Variants in NINJ2 observed in about 807,000 individuals in gnomAD.
NINJ2 encodes the protein ninjurin-2.
NINJ2 carries 12 observed loss-of-function variants against 11.7 expected under a neutral mutation model. That is an observed-to-expected ratio of 1.02 (90% CI 0.66 to 1.66). NINJ2 has a LOEUF of 1.66. NINJ2 is among the 40% of genes most tolerant of loss of function. The pLI is 0.00. For synonymous variants in NINJ2, 93 were observed against 76.8 expected (o/e 1.21, Z -1.10); for missense variants, 187 against 181.8 (o/e 1.03, Z -0.16).
At chr12:602,051 A>T (rs980430292) in intron 1 of NINJ2, among the ~76,000 whole-genome samples, 1 of 152,156 alleles carries the variant, frequency 6.6e-6, no homozygotes. Context: ...CAGCTGTGTC[A>T]CTTCAGACGC....
chr12:662,078 C>T lies in NINJ2; in HGVS notation c.33+1250G>A, dbSNP rs369194429. ...TGATAAAGACAAATTGGGGAGGAGGCATCCTGTGAAGAGGTTGGTCAGGGG... is the reference window on the plus strand; with the variant it reads ...TGATAAAGACAAATTGGGGAGGAGGTATCCTGTGAAGAGGTTGGTCAGGGG... On this transcript the variant is annotated intron_variant, in intron 1 of 3. Transcript: ENST00000305108. Among the ~76,000 whole-genome samples, 213 of 152,320 alleles carry T rather than the reference C, an allele frequency of 1.4e-3. 8 individuals carry two copies. In the South Asian group the frequency reaches 0.042, roughly 30 times the overall value.
chr12:654,988 T>C (rs1198344534), intron 1 of NINJ2, among the ~76,000 whole-genome samples: 1 of 152,140 alleles, frequency 6.6e-6, no homozygotes, highest in African/African-American at 2.4e-5. Context: ...CATGATCATA[T>C]TAATAGATGT....
At chr12:623,980 G>A (rs1484598858) in intron 1 of NINJ2, among the ~76,000 whole-genome samples, 1 of 152,166 alleles carries the variant, frequency 6.6e-6, no homozygotes, top group Non-Finnish European at 1.5e-5. Flanking sequence ...AGGCTGCAGT[G>A]AGCTGTGATC....
At chr12:588,670 G>A (rs1291268324) in intron 1 of NINJ2, among the ~76,000 whole-genome samples, 1 of 152,102 alleles carries the variant, frequency 6.6e-6, no homozygotes, top group Non-Finnish European at 1.5e-5. Flanking sequence ...ACAAAATCAG[G>A]AGACAAAGAG....
intron 1 of NINJ2, chr12:590,568 T>G (rs1947704447): frequency 6.6e-6 from 1 of 152,310 alleles, no homozygotes; most frequent in African/African-American, 2.4e-5. Flanking sequence ...TGCGGGAACC[T>G]GCACAGATGC....
rs577585379 is a variant in NINJ2 at position 660,360 on chromosome 12, C to CTT, written c.33+2966_33+2967dup. 4.0e-3 allele frequency among the ~76,000 whole-genome samples: 483 copies of CTT among 121,462 alleles called. 23 individuals carry two copies. In the East Asian group the frequency reaches 0.11, roughly 27 times the overall value. The allele number at this position is 121,462 out of a possible 152,430, so 79.7% of individuals were successfully genotyped here. ...TTATGCTTTCTTTCTTTTTTCTTTT[C>CTT]TTTTTTTTTTTTTTGAGACAGAGTC... is the stretch of plus-strand genomic sequence containing the variant. On this transcript the variant is annotated intron_variant, in intron 1 of 3. Coordinates refer to ENST00000305108, the MANE Select transcript of NINJ2 (RefSeq NM_016533.6).
chr12:581,198 T>C lies in NINJ2; in HGVS notation c.34-15020A>G, dbSNP rs570803467. ...GTGTCTGTGTGTGTGTCTGTCTCTGTGTGCGTGTGTGTGTCTATTGTCCCT... is the reference window on the plus strand; with the variant it reads ...GTGTCTGTGTGTGTGTCTGTCTCTGCGTGCGTGTGTGTGTCTATTGTCCCT... On this transcript the variant is annotated intron_variant, in intron 1 of 3. Transcript: ENST00000305108. This position sits in a 1 kb window ranked among gnomAD's most constrained non-coding sequence, Gnocchi z 4.9. Among the ~76,000 whole-genome samples, 14 of 152,222 alleles carry C rather than the reference T, an allele frequency of 9.2e-5. No homozygotes were observed. In the South Asian group the frequency reaches 2.9e-3, roughly 32 times the overall value.
rs1368592312 is a variant in NINJ2, at chr12:581,875, A to G, written c.34-15697T>C. ...TCAATGTAAGTCCCAGGCGATGTCT[A>G]ACTCAGCCCCAAGGTGTCCTGAGAA... On this transcript the variant is annotated intron_variant, in intron 1 of 3. Transcript: ENST00000305108. The surrounding 1 kb of genome is among the most constrained non-coding windows in gnomAD (Gnocchi z 4.9). 6.6e-6 allele frequency among the ~76,000 whole-genome samples: 1 copy of G among 152,210 alleles called. No homozygotes were observed. The highest frequency in any genetic ancestry group is 1.5e-5 in the Non-Finnish European group (1 of 68,040).
intron 1 of NINJ2, among the ~76,000 whole-genome samples, chr12:599,528 GTA>G (rs988673151): frequency 7.9e-5 from 12 of 152,202 alleles, no homozygotes; most frequent in African/African-American, 2.9e-4. Context: ...TGAGCAGCGT[GTA>G]AGACCTCACA....
intron 1 of NINJ2, among the ~76,000 whole-genome samples, chr12:588,431 A>C (rs748147333): frequency 1.3e-5 from 2 of 152,226 alleles, no homozygotes; most frequent in African/African-American, 4.8e-5. Flanking sequence ...TAATAATAGC[A>C]TATACACTTA....
At chr12:617,356 C>T (rs773872111) in intron 1 of NINJ2, among the ~76,000 whole-genome samples, 9 of 152,188 alleles carry the variant, frequency 5.9e-5, no homozygotes, top group East Asian at 3.9e-4. Flanking sequence ...CCTCCCCTCA[C>T]GAAGCCTTCC....
At chr12:583,970 C>T (rs1947597001) in intron 1 of NINJ2, among the ~76,000 whole-genome samples, 1 of 152,126 alleles carries the variant, frequency 6.6e-6, no homozygotes, top group South Asian at 2.1e-4. Context: ...AAATATTAAG[C>T]ATCGTCTTGA....
chr12:565,329 A>T lies in NINJ2; in HGVS notation c.335T>A (p.Val112Asp). The change falls in exon 3 of 4, where the codon GTC (valine) becomes GAC (aspartate). Residue 112 changes from valine to aspartate, a missense_variant. Physicochemically the swap from Val to Asp is radical, Grantham distance 152. Transcript: ENST00000305108. ...AACATTGATGACCACAGTGAAGAAG[A>T]CCAAGATGGTGGCTGCGTTGTTGAG... ...NQLNNAATIL[V>D]FFTVVINVFI... 1 of 1,614,164 alleles carries T rather than the reference A, an allele frequency of 6.2e-7. No homozygotes were observed. Among genetic ancestry groups the T allele is most frequent in the Non-Finnish European group, 8.5e-7 (1 of 1,180,018 alleles).
At chr12:634,698 G>C (rs1322508413) in intron 1 of NINJ2, among the ~76,000 whole-genome samples, 1 of 152,144 alleles carries the variant, frequency 6.6e-6, no homozygotes, top group Non-Finnish European at 1.5e-5. Context: ...TATTAAGGGG[G>C]GATGAGTTCA....
At chr12:601,353 T>C (rs549574710) in intron 1 of NINJ2, among the ~76,000 whole-genome samples, 1,696 of 147,582 alleles carry the variant, frequency 0.011, 12 homozygotes, top group South Asian at 0.036. Context: ...GAGACCATCC[T>C]GGCTAACACA....
intron 1 of NINJ2, among the ~76,000 whole-genome samples, chr12:661,765 C>A (rs1452122815): frequency 6.6e-6 from 1 of 152,210 alleles, no homozygotes; most frequent in Non-Finnish European, 1.5e-5. Context: ...ATACTAGGGA[C>A]AGAAGACATG....
At chr12:601,145 G>A (rs755780273) in intron 1 of NINJ2, among the ~76,000 whole-genome samples, 2 of 152,238 alleles carry the variant, frequency 1.3e-5, no homozygotes, top group African/African-American at 2.4e-5. Flanking sequence ...TGGAATAAAT[G>A]CATGAACTGG....
At chr12:576,383 TC>T (rs1489392999) in intron 1 of NINJ2, among the ~76,000 whole-genome samples, 11 of 152,174 alleles carry the variant, frequency 7.2e-5, no homozygotes, top group Admixed American at 6.5e-4. Context: ...CGGGTTTCTC[TC>T]CAACAAAAGG....
intron 1 of NINJ2, among the ~76,000 whole-genome samples, chr12:639,510 A>C (rs1407639930): frequency 1.3e-5 from 2 of 151,942 alleles, no homozygotes; most frequent in African/African-American, 4.8e-5. Flanking sequence ...TGTATGCCTC[A>C]GTGATGGATG....
Sources: allele counts gnomAD v4.1 joint callset (sites outside exome capture counted in the v4.1 genomes callset), GRCh38; gene constraint gnomAD v4.1.1; non-coding constraint Gnocchi (gnomAD v3.1); transcripts MANE v1.5; gene names NCBI Gene and HGNC (gene_info 2026-07-23, HGNC 2026-07-21).